PDZD8: variants seen among roughly 807,000 people sequenced by gnomAD.
PDZD8 encodes the protein PDZ domain containing 8.
A neutral mutation model predicts 85.8 loss-of-function variants in PDZD8; 14 were observed. That is an observed-to-expected ratio of 0.16 (90% CI 0.11 to 0.26). PDZD8 has a LOEUF of 0.26. PDZD8 is among the 10% of genes least tolerant of loss of function. The pLI, the probability that PDZD8 is intolerant of heterozygous loss-of-function variation, is 1.00. For synonymous variants in PDZD8, 592 were observed against 568.6 expected, an observed-to-expected ratio of 1.04 and a Z score of -0.59; for missense variants, 1,197 against 1,424.3, an observed-to-expected ratio of 0.84 and a Z score of 2.57.
chr10:117,286,194 A>T (rs573590737), intron 4 of PDZD8, among the ~76,000 whole-genome samples: 1 of 152,338 alleles, frequency 6.6e-6, no homozygotes, highest in South Asian at 2.1e-4. Context: ...ATAAAGGTAT[A>T]AAAAGATGTA....
chr10:117,290,497 C>T, intron 3 of PDZD8, 149 bp from the exon 4 acceptor site: 1 of 554,820 alleles, frequency 1.8e-6, no homozygotes, highest in Non-Finnish European at 3.1e-6. Flanking sequence ...AAAATCTTTA[C>T]TGTAACAATA....
intron 2 of PDZD8, among the ~76,000 whole-genome samples, chr10:117,334,949 T>TG (rs1283498529): frequency 4.8e-4 from 70 of 146,958 alleles, no homozygotes; most frequent in Non-Finnish European, 1.2e-4. Flanking sequence ...ATAAGAGAGG[T>TG]GGGAAAAAAA....
At chr10:117,325,389 T>G in intron 2 of PDZD8, among the ~76,000 whole-genome samples, 1 of 128,614 alleles carries the variant, frequency 7.8e-6, no homozygotes, top group East Asian at 2.3e-4. Flanking sequence ...CTATCAAAAG[T>G]TCCAGAAAAG....
intron 1 of PDZD8, among the ~76,000 whole-genome samples, chr10:117,348,341 A>G (rs1011680337): frequency 6.6e-6 from 1 of 152,182 alleles, no homozygotes; most frequent in African/African-American, 2.4e-5. Context: ...AAAGCACTTT[A>G]TTTGCTCACT....
chr10:117,315,821 T>A (rs1844119707), intron 3 of PDZD8, among the ~76,000 whole-genome samples: 2 of 152,156 alleles, frequency 1.3e-5, no homozygotes, highest in Non-Finnish European at 2.9e-5. Context: ...TTGTGAATTT[T>A]ATTTGTAAGC....
Position 117,286,169 on chromosome 10 carries a change from TA to T in PDZD8, c.1262-699del, listed in dbSNP as rs1489464380. On this transcript the variant is annotated intron_variant, in intron 4 of 4. Coordinates refer to ENST00000334464, the MANE Select transcript of PDZD8 (RefSeq NM_173791.5). Reference sequence around the variant, plus strand: ...TATTTTTTAATTGTTACACGTAGTTTAAAATTTGAAAGGTATAAAGGTATAA... The same window carrying T: ...TATTTTTTAATTGTTACACGTAGTTTAAATTTGAAAGGTATAAAGGTATAA... Among the ~76,000 whole-genome samples, 7 of 152,334 alleles carry T rather than the reference TA, an allele frequency of 4.6e-5. No individual in the cohort carries two copies. The East Asian group carries it at 1.3e-3, about 29-fold the overall frequency.
intron 3 of PDZD8, among the ~76,000 whole-genome samples, chr10:117,293,427 AC>A (rs1844802497): frequency 6.6e-6 from 1 of 152,144 alleles, no homozygotes; most frequent in African/African-American, 2.4e-5. Context: ...TGTGGCTTCA[AC>A]ATGCATTCCC....
At chr10:117,314,394 C>T (rs934552338) in intron 3 of PDZD8, among the ~76,000 whole-genome samples, 1 of 152,170 alleles carries the variant, frequency 6.6e-6, no homozygotes, top group African/African-American at 2.4e-5. Context: ...TCAGGCTTCA[C>T]AATTTTAAAT....
At chr10:117,305,282 C>T (rs1001444077) in intron 3 of PDZD8, among the ~76,000 whole-genome samples, 15 of 151,822 alleles carry the variant, frequency 9.9e-5, no homozygotes, top group Admixed American at 8.5e-4. Flanking sequence ...CATGGTAGTG[C>T]GTGCCAGTAA....
chr10:117,340,964 A>G lies in PDZD8; in HGVS notation c.995+16T>C. On this transcript the variant is annotated intron_variant, in intron 2 of 4. Transcript: ENST00000334464. ...GTTCTTCCCGTAACTTAGTAATGAC[A>G]AAACAAAGAACATACCTGCTACATT... The G allele has an allele frequency of 6.2e-7, 1 of 1,613,742 alleles. No homozygotes were observed. Among genetic ancestry groups the G allele is most frequent in the East Asian group, 2.2e-5 (1 of 44,862 alleles).
chr10:117,329,428 TAAG>T (rs1342269668), intron 2 of PDZD8, among the ~76,000 whole-genome samples: 1 of 152,144 alleles, frequency 6.6e-6, no homozygotes, highest in Non-Finnish European at 1.5e-5. Context: ...AGAAACATGT[TAAG>T]ATCGTTTACA....
At chr10:117,355,365 C>A (rs573149564) in intron 1 of PDZD8, among the ~76,000 whole-genome samples, 1 of 152,136 alleles carries the variant, frequency 6.6e-6, no homozygotes, top group Non-Finnish European at 1.5e-5. Flanking sequence ...TATATATGCT[C>A]TGTTTTACTA....
At chr10:117,357,337 G>A (rs914556811) in intron 1 of PDZD8, among the ~76,000 whole-genome samples, 1 of 152,188 alleles carries the variant, frequency 6.6e-6, no homozygotes, top group African/African-American at 2.4e-5. Flanking sequence ...GGAGGTTGCA[G>A]TGAGCCAAGA....
intron 3 of PDZD8, among the ~76,000 whole-genome samples, chr10:117,290,650 C>A (rs1844742493): frequency 6.6e-6 from 1 of 151,952 alleles, no homozygotes; most frequent in Non-Finnish European, 1.5e-5. Context: ...AAAAAGAAAA[C>A]CATTCCTAAT....
intron 1 of PDZD8, among the ~76,000 whole-genome samples, chr10:117,347,550 C>T (rs1239682070): frequency 2.0e-5 from 3 of 152,132 alleles, no homozygotes; most frequent in African/African-American, 4.8e-5. Context: ...GTTCAAAGGA[C>T]CTCCTGAGGG....
At chr10:117,311,417 G>A (rs1381572040) in intron 3 of PDZD8, among the ~76,000 whole-genome samples, 1 of 152,156 alleles carries the variant, frequency 6.6e-6, no homozygotes, top group Non-Finnish European at 1.5e-5. Flanking sequence ...GAGGTTGTAT[G>A]AAGGCTCATG....
chr10:117,288,623 C>T (rs2490626), intron 4 of PDZD8, among the ~76,000 whole-genome samples: 115,431 of 150,668 alleles, frequency 0.77, 44,819 homozygotes, highest in Non-Finnish European at 0.85. Context: ...ATTCTCCTGC[C>T]TCAGCCTCCT....
chr10:117,325,075 A>G (rs1010973458), intron 2 of PDZD8, among the ~76,000 whole-genome samples: 1 of 152,182 alleles, frequency 6.6e-6, no homozygotes, highest in Admixed American at 6.5e-5. Context: ...ATGACCAGAC[A>G]ACTTCAAGGA....
intron 2 of PDZD8, among the ~76,000 whole-genome samples, chr10:117,323,676 A>G (rs1844265601): frequency 6.6e-6 from 1 of 152,168 alleles, no homozygotes; most frequent in African/African-American, 2.4e-5. Context: ...AAGAGGCAGA[A>G]CAGTATTCTC....
Sources: allele counts gnomAD v4.1 joint callset (sites outside exome capture counted in the v4.1 genomes callset), GRCh38; gene constraint gnomAD v4.1.1; transcripts MANE v1.5; gene names NCBI Gene and HGNC (gene_info 2026-07-23, HGNC 2026-07-21).